Variants in SRPRA observed in about 807,000 individuals in gnomAD.
SRPRA encodes signal recognition particle receptor subunit alpha.
SRPRA carries 30 observed loss-of-function variants against 61.1 expected under a neutral mutation model. The observed-to-expected ratio is 0.49, with a 90% CI of 0.37 to 0.67. The LOEUF is 0.67. Among genes scored for constraint, SRPRA ranks in the 30% least tolerant of loss-of-function variants. The pLI is 0.00. For missense variants in SRPRA, 759 were observed against 828.4 expected (o/e 0.92, Z 1.03); for synonymous variants, 324 against 299.7 (o/e 1.08, Z -0.84).
At chr11:126,256,728 C>G in the SRPRA span, 12 of 1,614,102 alleles carry the variant, frequency 7.4e-6, no homozygotes, top group Non-Finnish European at 9.3e-6. This position sits in a 1 kb window ranked among gnomAD's most constrained non-coding sequence, Gnocchi z 6.6. Context: ...TAGATGAGTT[C>G]AAAAAGCTTC....
At chr11:126,239,721 C>T in the SRPRA span, among the ~76,000 whole-genome samples, 2 of 152,292 alleles carry the variant, frequency 1.3e-5, no homozygotes, top group East Asian at 3.9e-4. Context: ...ACCATGTTGG[C>T]CAGGCTGGTC....
At chr11:126,252,152 A>G in the SRPRA span, among the ~76,000 whole-genome samples, 3 of 150,168 alleles carry the variant, frequency 2.0e-5, no homozygotes, top group African/African-American at 7.4e-5. The surrounding 1 kb of genome is among the most constrained non-coding windows in gnomAD (Gnocchi z 4.7). Context: ...ACGTCTGGCT[A>G]ATTTTTGTAT....
At chr11:126,268,533 G>C (rs530894159) in intron 1 of SRPRA, among the ~76,000 whole-genome samples, 155 bp downstream of exon 1, 2 of 151,744 alleles carry the variant, frequency 1.3e-5, no homozygotes, top group South Asian at 4.2e-4. Flanking sequence ...GTAGTCTGAA[G>C]GGGACGAGAA....
rs200622362 is a variant in SRPRA, at chr11:126,265,929, G to A, written c.1051+34C>T. On this transcript the variant is annotated intron_variant, in intron 8 of 13. Coordinates refer to ENST00000332118, the MANE Select transcript of SRPRA (RefSeq NM_003139.4). The surrounding 1 kb of genome is among the most constrained non-coding windows in gnomAD (Gnocchi z 6.3). ...TTCTGCTCTCAACTACCCCTATCCC[G>A]CGAGTATGAGTCAGCCCGGTCCTCA... 112 of 1,611,046 alleles carry A rather than the reference G, an allele frequency of 7.0e-5. 1 individual carries two copies. In the South Asian group the frequency reaches 9.9e-4, roughly 14 times the overall value.
At chr11:126,266,418 C>G (rs1354723385) in intron 6 of SRPRA, 58 bp downstream of exon 6, 1 of 1,598,442 alleles carries the variant, frequency 6.3e-7, no homozygotes, top group African/African-American at 1.3e-5. Flanking sequence ...CACGTTCCCA[C>G]ACTCTACTTC....
downstream of SRPRA, among the ~76,000 whole-genome samples, chr11:126,258,686 A>C (rs541317287): frequency 6.6e-6 from 1 of 152,322 alleles, no homozygotes; most frequent in East Asian, 1.9e-4. Flanking sequence ...GACTTTGAGA[A>C]GGCTTTTCTG....
At position 126,263,886 on chromosome 11, in the gene SRPRA, G is replaced by A; in HGVS notation, c.*30C>T. ...ACAGGAAGAAGGGCTTGTGGGGAAAGCGGCGATTTGGTATTGGGCAAGAGC... is the reference window on the plus strand; with the variant it reads ...ACAGGAAGAAGGGCTTGTGGGGAAAACGGCGATTTGGTATTGGGCAAGAGC... On this transcript the variant is annotated 3_prime_UTR_variant, in exon 14 of 14. Coordinates refer to ENST00000332118, the MANE Select transcript of SRPRA (RefSeq NM_003139.4). 8.7e-6 allele frequency: 14 copies of A among 1,611,408 alleles called. No individual in the cohort carries two copies. Among genetic ancestry groups the A allele is most frequent in the Non-Finnish European group, 1.1e-5 (13 of 1,179,088 alleles).
At chr11:126,240,737 G>T in the SRPRA span, 1 of 1,505,728 alleles carries the variant, frequency 6.6e-7, no homozygotes, top group East Asian at 2.3e-5. Context: ...CAGTCTTTCT[G>T]TGTGCCTCAT....
the SRPRA span, chr11:126,240,878 A>G: frequency 1.2e-6 from 2 of 1,614,072 alleles, no homozygotes; most frequent in African/African-American, 2.7e-5. Context: ...GTTGCGCCCC[A>G]AGTTCCAGCC....
the SRPRA span, chr11:126,250,676 G>T: frequency 3.7e-6 from 6 of 1,614,012 alleles, no homozygotes; most frequent in Non-Finnish European, 5.1e-6. This position sits in a 1 kb window ranked among gnomAD's most constrained non-coding sequence, Gnocchi z 5.1. Flanking sequence ...TCTTGGAACT[G>T]TATGCAGCAG....
At position 126,264,821 on chromosome 11, in the gene SRPRA, C is replaced by T. The variant is rs764056116; in HGVS notation, c.1525+138G>A. 13 of 877,504 alleles carry T rather than the reference C, an allele frequency of 1.5e-5. No individual in the cohort carries two copies. The highest frequency in any genetic ancestry group is 2.0e-5 in the Non-Finnish European group (12 of 587,292). 54.4% of individuals were successfully genotyped at this position (877,504 alleles called of 1,614,324 possible). ...TCTGTTATCCAAAAGCAGAGCATGG[C>T]AAGTAACTGATCTGACTTTTTACTG... On this transcript the variant is annotated intron_variant, in intron 11 of 13. Transcript: ENST00000332118. The surrounding 1 kb of genome is among the most constrained non-coding windows in gnomAD (Gnocchi z 5.0).
At chr11:126,266,960 C>G (rs1335981387) in intron 4 of SRPRA, 38 bp from the exon 5 acceptor site, 1 of 1,598,424 alleles carries the variant, frequency 6.3e-7, no homozygotes, top group Non-Finnish European at 8.5e-7. Context: ...AAAAGAAGAC[C>G]AATCCCAACC....
chr11:126,253,449 G>A, the SRPRA span, among the ~76,000 whole-genome samples: 1 of 152,200 alleles, frequency 6.6e-6, no homozygotes, highest in African/African-American at 2.4e-5. The surrounding 1 kb of genome is among the most constrained non-coding windows in gnomAD (Gnocchi z 5.1). Flanking sequence ...TGCATTCGCT[G>A]TTGTCTAAAT....
the SRPRA span, chr11:126,240,766 T>C: frequency 6.3e-7 from 1 of 1,581,192 alleles, no homozygotes. Flanking sequence ...GATATTCCAA[T>C]CCTCTCATTT....
At chr11:126,249,731 C>CAAAAAAAA in the SRPRA span, among the ~76,000 whole-genome samples, 21 of 78,950 alleles carry the variant, frequency 2.7e-4, no homozygotes, top group South Asian at 1.1e-3. Flanking sequence ...GACTCCGTCT[C>CAAAAAAAA]AAAAAAAAAA....
the SRPRA span, among the ~76,000 whole-genome samples, chr11:126,248,893 T>C: frequency 6.6e-6 from 1 of 152,198 alleles, no homozygotes; most frequent in African/African-American, 2.4e-5. Flanking sequence ...GGATCAGATA[T>C]TACATCACAT....
the SRPRA span, among the ~76,000 whole-genome samples, chr11:126,248,638 G>A: frequency 6.6e-6 from 1 of 152,082 alleles, no homozygotes; most frequent in African/African-American, 2.4e-5. Context: ...CCAAAGTGCT[G>A]GGATTACAGG....
rs200827593 is a variant in SRPRA, at chr11:126,264,517, C to G, written c.1548G>C (p.Val516=). The change falls in exon 12 of 14, where the codon GTG becomes GTC. Residue 516 remains valine (V), a synonymous_variant. Coordinates refer to ENST00000332118, the MANE Select transcript of SRPRA (RefSeq NM_003139.4). This position sits in a 1 kb window ranked among gnomAD's most constrained non-coding sequence, Gnocchi z 5.0. ...TGCGGCCTGCCGTGTCCACCAGCAC[C>G]ACGTCAAAGCCTTGGTTACGTGCTA... is the stretch of plus-strand genomic sequence containing the variant. The part of the protein sequence containing the change: ...IAFARNQGFD[V]VLVDTAGRMQ... 1 of 1,613,308 alleles carries G rather than the reference C, an allele frequency of 6.2e-7. No homozygotes were observed. Among genetic ancestry groups the G allele is most frequent in the Admixed American group, 1.7e-5 (1 of 60,008 alleles).
intron 1 of SRPRA, 102 bp downstream of exon 1, chr11:126,268,586 G>A (rs1950873407): frequency 1.1e-6 from 1 of 946,222 alleles, no homozygotes; most frequent in Non-Finnish European, 1.7e-6. Context: ...TCAGTGTGAG[G>A]TGGGCGGGGA....
Sources: gnomAD v4.1 joint callset for allele counts (sites outside exome capture counted in the v4.1 genomes callset) on GRCh38, gnomAD v4.1.1 for gene constraint, Gnocchi (gnomAD v3.1) non-coding constraint, MANE v1.5 for transcripts, NCBI Gene and HGNC (gene_info 2026-07-23, HGNC 2026-07-21) for gene names.